The following ZNF600 variants were observed in gnomAD, a reference collection of about 807,000 sequenced individuals.
The protein encoded by ZNF600 is zinc finger protein KR-ZNF1.
A neutral mutation model predicts 7.3 loss-of-function variants in ZNF600; 4 were observed. The observed-to-expected ratio is 0.55, with a 90% CI of 0.27 to 1.25. ZNF600 has a LOEUF of 1.25. Among genes scored for constraint, ZNF600 ranks in the 50% most tolerant of loss-of-function variants. ZNF600 has a pLI of 0.12. For missense variants in ZNF600, 911 were observed against 922.1 expected (o/e 0.99, Z 0.16); for synonymous variants, 290 against 308.9 (o/e 0.94, Z 0.64).
chr19:52,815,125 A>T, the ZNF600 span, among the ~76,000 whole-genome samples: 1 of 144,296 alleles, frequency 6.9e-6, no homozygotes, highest in African/African-American at 2.7e-5. Flanking sequence ...AAAGGTTTTT[A>T]AAATATAAAA....
At chr19:52,765,517 A>C in exon 4 of ZNF600, 1 of 1,607,546 alleles carries the variant, frequency 6.2e-7, no homozygotes, top group East Asian at 2.2e-5. Context: ...TTAGATCTTT[A>C]TTCATTATAG....
chr19:52,788,779 A>G (rs2147598990), upstream of ZNF600, among the ~76,000 whole-genome samples: 1 of 152,266 alleles, frequency 6.6e-6, no homozygotes, highest in South Asian at 2.1e-4. Flanking sequence ...TTGATGTTCA[A>G]TGCTGGAGAC....
the ZNF600 span, among the ~76,000 whole-genome samples, chr19:52,825,702 T>C: frequency 6.6e-6 from 1 of 151,734 alleles, no homozygotes. Context: ...AAAAAATCAT[T>C]TGGCCGGGCA....
intron 2 of ZNF600, among the ~76,000 whole-genome samples, chr19:52,778,178 T>C (rs2062692085): frequency 6.6e-6 from 1 of 152,096 alleles, no homozygotes; most frequent in Admixed American, 6.6e-5. Flanking sequence ...CACCCCAAGC[T>C]AATTTTTGTA....
chr19:52,810,909 C>A, the ZNF600 span, among the ~76,000 whole-genome samples: 1 of 92,608 alleles, frequency 1.1e-5, no homozygotes, highest in African/African-American at 4.7e-5. Context: ...CTCCCTCTCC[C>A]TCTCCCTCCA....
At chr19:52,792,434 AAAG>A in the ZNF600 span, among the ~76,000 whole-genome samples, 1 of 152,100 alleles carries the variant, frequency 6.6e-6, no homozygotes, top group Non-Finnish European at 1.5e-5. Flanking sequence ...CAGAAACTCA[AAAG>A]AAGGACCCAG....
chr19:52,766,009 T>C lies in ZNF600; in HGVS notation c.1954A>G (p.Lys652Glu), dbSNP rs893271142. 10 of 1,614,030 alleles carry C rather than the reference T, an allele frequency of 6.2e-6. No individual in the cohort carries two copies. In the African/African-American group the frequency reaches 8.0e-5, roughly 13 times the overall value. ...AAAGCCTTGTCACAAACCGTACATT[T>C]GTAAGATTTCTCTCCAGTATGAAGT... is the stretch of plus-strand genomic sequence containing the variant. Residue 652 changes from lysine to glutamate, a missense_variant, in exon 4 of 4, where the codon AAA (lysine) becomes GAA (glutamate). Transcript: ENST00000648973.
the ZNF600 span, among the ~76,000 whole-genome samples, chr19:52,820,108 CTT>C: frequency 1.4e-4 from 17 of 120,284 alleles, 1 homozygote; most frequent in Non-Finnish European, 1.8e-4. Flanking sequence ...TATTTAACCT[CTT>C]TTTTTTTTTT....
chr19:52,801,905 T>C, the ZNF600 span, among the ~76,000 whole-genome samples: 1 of 152,200 alleles, frequency 6.6e-6, no homozygotes, highest in East Asian at 1.9e-4. Context: ...TGAAAGTCTA[T>C]TTCCTATATC....
At chr19:52,768,256 C>A (rs1334853127) in intron 3 of ZNF600, among the ~76,000 whole-genome samples, 2 of 151,294 alleles carry the variant, frequency 1.3e-5, no homozygotes, top group South Asian at 4.2e-4. Context: ...TATTTTCAAA[C>A]AATTATAGCA....
At chr19:52,796,653 G>A in the ZNF600 span, among the ~76,000 whole-genome samples, 1 of 152,144 alleles carries the variant, frequency 6.6e-6, no homozygotes, top group South Asian at 2.1e-4. Flanking sequence ...TTTTTGTGGA[G>A]ACAGGGGTTT....
the ZNF600 span, among the ~76,000 whole-genome samples, chr19:52,829,741 G>C: frequency 6.6e-6 from 1 of 151,350 alleles, no homozygotes; most frequent in African/African-American, 2.4e-5. Context: ...CAAACTCCTC[G>C]CCTCAAGCGA....
In ZNF600 at chr19:52,767,366, C is replaced by A; in HGVS notation, c.597G>T (p.Arg199Ser). Residue 199 changes from arginine (R) to serine (S), a missense_variant, in exon 4 of 4, where the codon AGG becomes AGT. By Grantham distance (110) the Arg-to-Ser change is moderately radical. Coordinates refer to ENST00000648973, the Ensembl canonical transcript of ZNF600. ...AGTTATTAGAAATATGGATTTGGGG[C>A]CTAGGAGAAATTCTTTGGGATGTTG... The A allele has an allele frequency of 6.2e-7, 1 of 1,613,906 alleles. No individual in the cohort carries two copies. Among genetic ancestry groups the A allele is most frequent in the South Asian group, 1.1e-5 (1 of 91,050 alleles).
the ZNF600 span, among the ~76,000 whole-genome samples, chr19:52,819,560 C>T: frequency 6.5e-3 from 471 of 72,566 alleles, 69 homozygotes; most frequent in East Asian, 0.029. Context: ...GGTCTAGCCC[C>T]TCATCTCCAA....
chr19:52,810,540 G>C, the ZNF600 span: 4 of 1,596,896 alleles, frequency 2.5e-6, no homozygotes, highest in Admixed American at 6.7e-5. Context: ...CGAACCAACA[G>C]ACCAGGCATC....
intron 2 of ZNF600, among the ~76,000 whole-genome samples, chr19:52,776,037 A>T (rs1477066962): frequency 6.8e-6 from 1 of 146,436 alleles, no homozygotes. Flanking sequence ...AAAAACTGTT[A>T]TGATGACAGC....
the ZNF600 span, among the ~76,000 whole-genome samples, chr19:52,802,267 G>C: frequency 6.6e-6 from 1 of 152,144 alleles, no homozygotes; most frequent in South Asian, 2.1e-4. Context: ...TACTCTGAAG[G>C]CTGTGTCACA....
At chr19:52,811,036 C>T in the ZNF600 span, among the ~76,000 whole-genome samples, 1,172 of 148,554 alleles carry the variant, frequency 7.9e-3, 17 homozygotes, top group African/African-American at 0.027. Flanking sequence ...ATTGCAGGCA[C>T]GCGCCGCCAC....
chr19:52,786,304 G>T (rs952448417), intron 1 of ZNF600, among the ~76,000 whole-genome samples: 1 of 152,124 alleles, frequency 6.6e-6, no homozygotes, highest in African/African-American at 2.4e-5. Flanking sequence ...GACAAAGGTG[G>T]GACCTGCAGG....
Sources: gnomAD v4.1 joint callset for allele counts (sites outside exome capture counted in the v4.1 genomes callset) on GRCh38, gnomAD v4.1.1 for gene constraint, MANE v1.5 for transcripts, NCBI Gene and HGNC (gene_info 2026-07-23, HGNC 2026-07-21) for gene names.